Variants in GNG7 observed in about 807,000 individuals in gnomAD.
The protein encoded by GNG7 is G protein subunit gamma 7.
GNG7 carries 1 observed loss-of-function variant against 4.0 expected under a neutral mutation model. The ratio of observed to expected loss-of-function variants is 0.25; its 90% CI spans 0.09 to 1.18. The LOEUF (loss-of-function observed/expected upper bound fraction) is 1.18. GNG7 is among the 50% of genes most tolerant of loss of function. The pLI, the probability that GNG7 is intolerant of heterozygous loss-of-function variation, is 0.50. For synonymous variants in GNG7, 34 were observed against 36.9 expected (o/e 0.92, Z 0.29); for missense variants, 86 against 91.9 (o/e 0.94, Z 0.26).
chr19:2,581,629 G>C (rs1224449572), intron 2 of GNG7, among the ~76,000 whole-genome samples: 5 of 152,166 alleles, frequency 3.3e-5, no homozygotes, highest in African/African-American at 9.7e-5. Context: ...TGCAGGGATG[G>C]GACACCTCCC....
intron 2 of GNG7, among the ~76,000 whole-genome samples, chr19:2,573,407 G>A (rs1019972997): frequency 2.6e-5 from 4 of 152,120 alleles, no homozygotes; most frequent in South Asian, 2.1e-4. Context: ...TGGAGGAGGC[G>A]GGGCTAGTCT....
chr19:2,535,380 G>A (rs1301365751), intron 3 of GNG7, among the ~76,000 whole-genome samples: 1 of 151,534 alleles, frequency 6.6e-6, no homozygotes, highest in South Asian at 2.1e-4. Flanking sequence ...CACACCTGTA[G>A]TCCCAGCTAC....
chr19:2,571,532 C>T (rs930115757), intron 2 of GNG7, among the ~76,000 whole-genome samples: 2 of 148,434 alleles, frequency 1.3e-5, no homozygotes, highest in Admixed American at 6.8e-5. Flanking sequence ...TGCCTGCAGG[C>T]TACGTTAAGT....
intron 1 of GNG7, among the ~76,000 whole-genome samples, chr19:2,678,336 T>C (rs1983645555): frequency 6.6e-6 from 1 of 152,236 alleles, no homozygotes; most frequent in South Asian, 2.1e-4. Context: ...CAGAAGCTTC[T>C]GGAAACTTCC....
chr19:2,684,507 C>T (rs753467858), intron 1 of GNG7, among the ~76,000 whole-genome samples: 2 of 152,064 alleles, frequency 1.3e-5, no homozygotes, highest in Admixed American at 6.5e-5. Flanking sequence ...CACGGATCAA[C>T]GTAGCGTGGT....
intron 4 of GNG7, among the ~76,000 whole-genome samples, chr19:2,515,702 A>C (rs1470456961): frequency 2.0e-5 from 3 of 151,854 alleles, no homozygotes; most frequent in African/African-American, 7.3e-5. Flanking sequence ...CTGGGATTAC[A>C]GGTGTGAGCC....
chr19:2,656,877 T>C (rs1410158342), intron 1 of GNG7, among the ~76,000 whole-genome samples: 1 of 152,104 alleles, frequency 6.6e-6, no homozygotes, highest in Non-Finnish European at 1.5e-5. Context: ...GGACCTTGAA[T>C]GCCAGAAACG....
intron 2 of GNG7, among the ~76,000 whole-genome samples, chr19:2,637,969 G>A (rs1409366920): frequency 6.6e-6 from 1 of 152,212 alleles, no homozygotes; most frequent in African/African-American, 2.4e-5. Context: ...AGGGAGAGAG[G>A]AGATGAATCC....
At chr19:2,660,525 C>T (rs1009344152) in intron 1 of GNG7, among the ~76,000 whole-genome samples, 5 of 152,084 alleles carry the variant, frequency 3.3e-5, no homozygotes, top group East Asian at 1.9e-4. Context: ...GATCCCAGCA[C>T]GTTGGGAGGC....
At chr19:2,529,309 C>T (rs1013101705) in intron 3 of GNG7, among the ~76,000 whole-genome samples, 6 of 152,198 alleles carry the variant, frequency 3.9e-5, no homozygotes, top group African/African-American at 2.4e-5. Context: ...CTCCGCCTCC[C>T]AGGTTCAAGC....
intron 1 of GNG7, among the ~76,000 whole-genome samples, chr19:2,655,276 A>T (rs931191819): frequency 6.6e-6 from 1 of 152,176 alleles, no homozygotes; most frequent in South Asian, 2.1e-4. Context: ...CTGACTAGAT[A>T]CCTCTCAAAT....
chr19:2,631,101 T>A (rs1253429979), intron 2 of GNG7, among the ~76,000 whole-genome samples: 1 of 152,172 alleles, frequency 6.6e-6, no homozygotes, highest in Non-Finnish European at 1.5e-5. Flanking sequence ...ATAGCAGGCA[T>A]GAAGACCAGA....
intron 2 of GNG7, chr19:2,642,888 AC>A (rs1982546845): frequency 2.2e-6 from 1 of 454,772 alleles, no homozygotes; most frequent in South Asian, 1.6e-5. Flanking sequence ...GGCTCTGCAC[AC>A]CTTCCCGCCC....
chr19:2,684,764 G>A (rs62121065), intron 1 of GNG7, among the ~76,000 whole-genome samples: 11,618 of 152,136 alleles, frequency 0.076, 598 homozygotes, highest in Middle Eastern at 0.16. Flanking sequence ...CGAGGCGGGT[G>A]GATCACCTGA....
At chr19:2,690,750 C>T (rs763823974) in intron 1 of GNG7, among the ~76,000 whole-genome samples, 14 of 152,124 alleles carry the variant, frequency 9.2e-5, no homozygotes, top group Non-Finnish European at 1.9e-4. Context: ...CGCACCACCA[C>T]GCCCAACTAA....
At chr19:2,549,339 T>C (rs1357004981) in intron 3 of GNG7, among the ~76,000 whole-genome samples, 3 of 150,664 alleles carry the variant, frequency 2.0e-5, no homozygotes, top group East Asian at 2.0e-4. Flanking sequence ...GTCACCCAGG[T>C]TGGAGTGCAG....
chr19:2,675,787 C>G (rs1983580151), intron 1 of GNG7, among the ~76,000 whole-genome samples: 1 of 152,154 alleles, frequency 6.6e-6, no homozygotes, highest in South Asian at 2.1e-4. Context: ...GCTCAGCACC[C>G]TGCAGTGCCC....
At position 2,634,836 on chromosome 19, in the gene GNG7, A is replaced by G. The variant is rs1982265064; in HGVS notation, c.-78+11388T>C. On this transcript the variant is annotated intron_variant, in intron 2 of 4. Transcript: ENST00000382159. This position sits in a 1 kb window ranked among gnomAD's most constrained non-coding sequence, Gnocchi z 5.3. ...GACTGGAGTTTGCTTACCACACAAG[A>G]GCCCTTCTCAGGATAAGAGGCTCCA... Among the ~76,000 whole-genome samples the G allele has an allele frequency of 6.6e-6, 1 of 151,758 alleles. No homozygotes were observed. The highest frequency in any genetic ancestry group is 1.9e-4 in the East Asian group (1 of 5,170).
Position 2,656,980 on chromosome 19 carries a change from G to A in GNG7, c.-134-10700C>T, listed in dbSNP as rs150167225. ...TGGAATCCTCTGGGGGTGGGGCAGC[G>A]GAGAGGCCTTAAAACATGAAACAGC... is the stretch of plus-strand genomic sequence containing the variant. On this transcript the variant is annotated intron_variant, in intron 1 of 4. Transcript: ENST00000382159. Among the ~76,000 whole-genome samples, 1,510 of 152,050 alleles carry A rather than the reference G, an allele frequency of 9.9e-3. 22 individuals are homozygous for A. Among genetic ancestry groups the A allele is most frequent in the Middle Eastern group, 0.054 (16 of 294 alleles).
Sources: gnomAD v4.1 joint callset for allele counts (sites outside exome capture counted in the v4.1 genomes callset) on GRCh38, gnomAD v4.1.1 for gene constraint, Gnocchi (gnomAD v3.1) non-coding constraint, MANE v1.5 for transcripts, NCBI Gene and HGNC (gene_info 2026-07-23, HGNC 2026-07-21) for gene names.